LRRTM4: variants seen among roughly 807,000 people sequenced by gnomAD.
LRRTM4 encodes the protein leucine-rich repeat transmembrane neuronal protein 4.
In LRRTM4, 25 loss-of-function variants were observed where a neutral mutation model predicts 47.6. The ratio of observed to expected loss-of-function variants is 0.53; its 90% CI spans 0.38 to 0.73. The LOEUF is 0.73. Ranked by LOEUF, LRRTM4 falls within the 30% of genes least tolerant of loss-of-function variation. The probability of loss-of-function intolerance (pLI) is 0.00; values close to 1 mark genes in which losing one functional copy is unlikely to be tolerated. For missense variants in LRRTM4, 638 were observed against 713.4 expected (o/e 0.89, Z 1.20); for synonymous variants, 311 against 269.5 (o/e 1.15, Z -1.51).
chr2:77,095,077 G>A (rs1488650462), intron 3 of LRRTM4, among the ~76,000 whole-genome samples: 3 of 152,110 alleles, frequency 2.0e-5, no homozygotes, highest in Non-Finnish European at 2.9e-5. Flanking sequence ...CAATTAAATA[G>A]CAATAACCTA....
At chr2:77,079,097 A>G (rs1229700323) in intron 3 of LRRTM4, among the ~76,000 whole-genome samples, 1 of 152,232 alleles carries the variant, frequency 6.6e-6, no homozygotes, top group African/African-American at 2.4e-5. Context: ...GGATTTCAAC[A>G]TATGAATTTT....
chr2:76,920,146 A>T (rs371482657), intron 3 of LRRTM4, among the ~76,000 whole-genome samples: 2 of 152,154 alleles, frequency 1.3e-5, no homozygotes, highest in African/African-American at 4.8e-5. Flanking sequence ...AGGTGATAAA[A>T]ATCACTTCGA....
intron 3 of LRRTM4, among the ~76,000 whole-genome samples, chr2:77,106,388 T>G (rs1266608154): frequency 6.6e-6 from 1 of 152,162 alleles, no homozygotes; most frequent in Non-Finnish European, 1.5e-5. Flanking sequence ...CTTATTTAAT[T>G]AAATCAAAAC....
intron 3 of LRRTM4, among the ~76,000 whole-genome samples, chr2:76,865,801 C>G: frequency 6.6e-6 from 1 of 152,054 alleles, no homozygotes; most frequent in Non-Finnish European, 1.5e-5. Context: ...TCTGATGGCC[C>G]TATTTAAAAT....
chr2:76,901,600 A>AT (rs1187495393), intron 3 of LRRTM4, among the ~76,000 whole-genome samples: 1 of 152,090 alleles, frequency 6.6e-6, no homozygotes, highest in African/African-American at 2.4e-5. Context: ...GTAAAAAAAA[A>AT]TTTTTAAAGA....
intron 3 of LRRTM4, among the ~76,000 whole-genome samples, chr2:76,792,637 C>G (rs1277438675): frequency 4.6e-5 from 7 of 152,032 alleles, no homozygotes; most frequent in Non-Finnish European, 5.9e-5. Flanking sequence ...AGTAATGTTG[C>G]TCCTGCTAAT....
chr2:76,749,749 A>G (rs563123684), intron 3 of LRRTM4, among the ~76,000 whole-genome samples: 1 of 152,240 alleles, frequency 6.6e-6, no homozygotes, highest in South Asian at 2.1e-4. Flanking sequence ...TAATTAAGCC[A>G]TAAATTTCTG....
intron 3 of LRRTM4, among the ~76,000 whole-genome samples, chr2:76,904,587 T>C (rs528026370): frequency 2.6e-5 from 4 of 152,234 alleles, no homozygotes; most frequent in African/African-American, 9.6e-5. Context: ...GTATAGAAAA[T>C]CTTTAGAACT....
intron 3 of LRRTM4, among the ~76,000 whole-genome samples, chr2:77,335,525 C>T (rs1671131821): frequency 6.6e-6 from 1 of 152,142 alleles, no homozygotes; most frequent in Non-Finnish European, 1.5e-5. Context: ...CTCAGAAAGG[C>T]CCATGTGTAT....
intron 3 of LRRTM4, among the ~76,000 whole-genome samples, chr2:77,074,774 A>T (rs938502108): frequency 1.3e-5 from 2 of 152,190 alleles, no homozygotes; most frequent in African/African-American, 4.8e-5. Flanking sequence ...AAGTGGACAA[A>T]GGTAAGAATA....
Position 77,331,972 on chromosome 2 carries a change from G to A in LRRTM4, c.1551+186346C>T, listed in dbSNP as rs141989713. ...CATATACTGAAGAACTTATAGAACA[G>A]GAAGTATAATTTAATTAATTAAGAT... On this transcript the variant is annotated intron_variant, in intron 3 of 3. Transcript: ENST00000409884. Among the ~76,000 whole-genome samples the A allele has an allele frequency of 4.6e-3, 693 of 152,164 alleles. 4 individuals are homozygous for A. Among genetic ancestry groups the A allele is most frequent in the African/African-American group, 0.016 (654 of 41,522 alleles).
intron 3 of LRRTM4, among the ~76,000 whole-genome samples, chr2:76,755,728 G>A (rs1036135763): frequency 6.6e-6 from 1 of 152,128 alleles, no homozygotes; most frequent in African/African-American, 2.4e-5. Flanking sequence ...AGGAAGAAAA[G>A]GAGCCTCAGC....
In LRRTM4 at chr2:77,050,468, A is replaced by G. The variant is rs140800734; in HGVS notation, c.1552-301552T>C. On this transcript the variant is annotated intron_variant, in intron 3 of 3. Transcript: ENST00000409884. ...GTTTACCATTTGGACTTGAAGCTTG[A>G]ATCTATGGAATCTAACTTTAAAGAT... Among the ~76,000 whole-genome samples the G allele has an allele frequency of 3.3e-5, 5 of 152,296 alleles. No homozygotes were observed. The East Asian group carries it at 5.8e-4, about 18-fold the overall frequency.
chr2:77,249,501 T>C (rs1675544623), intron 3 of LRRTM4, among the ~76,000 whole-genome samples: 1 of 148,106 alleles, frequency 6.8e-6, no homozygotes, highest in Admixed American at 6.7e-5. Flanking sequence ...AAAAAAAAAC[T>C]CTTAGATATC....
intron 3 of LRRTM4, among the ~76,000 whole-genome samples, chr2:77,083,805 T>TG (rs1558569837): frequency 9.0e-6 from 1 of 110,918 alleles, no homozygotes; most frequent in Non-Finnish European, 1.9e-5. Flanking sequence ...TTTTTTTTTT[T>TG]TTTTTTTTTT....
chr2:76,963,865 C>T (rs532087121), intron 3 of LRRTM4, among the ~76,000 whole-genome samples: 4 of 150,216 alleles, frequency 2.7e-5, no homozygotes, highest in Admixed American at 6.7e-5. Context: ...GAGAATATTA[C>T]CATAATTATA....
intron 3 of LRRTM4, among the ~76,000 whole-genome samples, chr2:77,016,894 A>C (rs1023626050): frequency 6.6e-6 from 1 of 151,932 alleles, no homozygotes; most frequent in Non-Finnish European, 1.5e-5. Context: ...TTTTTTAATA[A>C]GGGAGACAGC....
At chr2:76,796,014 G>A (rs1460302751) in intron 3 of LRRTM4, among the ~76,000 whole-genome samples, 1 of 135,320 alleles carries the variant, frequency 7.4e-6, no homozygotes, top group Non-Finnish European at 1.5e-5. Context: ...AAGCGCAAGG[G>A]GTCACGGAGT....
chr2:76,987,728 G>T (rs1676853266), intron 3 of LRRTM4, among the ~76,000 whole-genome samples: 1 of 151,734 alleles, frequency 6.6e-6, no homozygotes, highest in African/African-American at 2.4e-5. Context: ...CGAACAACCA[G>T]TACGACAGAG....
Sources: gnomAD v4.1 joint callset for allele counts (sites outside exome capture counted in the v4.1 genomes callset) on GRCh38, gnomAD v4.1.1 for gene constraint, MANE v1.5 for transcripts, NCBI Gene and HGNC (gene_info 2026-07-23, HGNC 2026-07-21) for gene names.